Variants in STK3 observed in about 807,000 individuals in gnomAD.
The protein encoded by STK3 is serine/threonine-protein kinase 3.
In STK3, 41 loss-of-function variants were observed where a neutral mutation model predicts 58.0. The ratio of observed to expected loss-of-function variants is 0.71; its 90% CI spans 0.55 to 0.92. The LOEUF (loss-of-function observed/expected upper bound fraction) is 0.92, where lower values mean the gene tolerates loss of function less well. Among genes scored for constraint, STK3 ranks in the 40% least tolerant of loss-of-function variants. STK3 has a pLI of 0.00. For synonymous variants in STK3, 170 were observed against 191.0 expected (o/e 0.89, Z 0.91); for missense variants, 479 against 602.7 (o/e 0.79, Z 2.15).
chr8:98,822,470 G>A (rs1200361126), intron 1 of STK3, among the ~76,000 whole-genome samples: 1 of 152,082 alleles, frequency 6.6e-6, no homozygotes, highest in Non-Finnish European at 1.5e-5. Flanking sequence ...CACCATCGCA[G>A]TAGGCCCTCA....
intron 1 of STK3, chr8:98,904,781 G>A (rs1838823331): frequency 4.4e-6 from 3 of 681,310 alleles, no homozygotes; most frequent in Non-Finnish European, 8.2e-6. Flanking sequence ...AGGAGGAAGT[G>A]GTGGCCGGAG....
At chr8:98,389,548 G>A (rs1188286129), upstream of STK3, among the ~76,000 whole-genome samples, 2 of 152,082 alleles carry the variant, frequency 1.3e-5, no homozygotes, top group Non-Finnish European at 2.9e-5. Context: ...GAAGGGCATG[G>A]GTGGTGCTAG....
chr8:98,352,323 T>A, the STK3 span, among the ~76,000 whole-genome samples: 1 of 152,180 alleles, frequency 6.6e-6, no homozygotes, highest in African/African-American at 2.4e-5. Flanking sequence ...TTTGAAAGAA[T>A]TAGTCATCTA....
chr8:98,573,313 C>T (rs1813114914), intron 8 of STK3, among the ~76,000 whole-genome samples: 1 of 152,154 alleles, frequency 6.6e-6, no homozygotes. Flanking sequence ...TTCACAGTTC[C>T]ACATGGCTGG....
chr8:98,439,877 T>C (rs1436220415), intron 1 of STK3, among the ~76,000 whole-genome samples: 1 of 152,180 alleles, frequency 6.6e-6, no homozygotes, highest in African/African-American at 2.4e-5. Context: ...TGGCAGCGCA[T>C]GTGCTGGTGT....
chr8:98,458,979 T>A (rs1942053328), intron 10 of STK3, among the ~76,000 whole-genome samples: 1 of 118,232 alleles, frequency 8.5e-6, no homozygotes, highest in African/African-American at 3.4e-5. Context: ...GGCGCTGCTA[T>A]AAAGATACTT....
At chr8:98,518,203 A>G (rs963273748) in intron 10 of STK3, among the ~76,000 whole-genome samples, 5 of 152,190 alleles carry the variant, frequency 3.3e-5, no homozygotes, top group African/African-American at 1.2e-4. Flanking sequence ...TAATTAATCC[A>G]ATAAGTACAG....
At chr8:98,859,996 T>A (rs914323197) in intron 3 of STK3, among the ~76,000 whole-genome samples, 4 of 152,212 alleles carry the variant, frequency 2.6e-5, no homozygotes, top group African/African-American at 9.7e-5. Context: ...GGTGTGGTTG[T>A]GGGTGTTCAG....
intron 3 of STK3, among the ~76,000 whole-genome samples, chr8:98,858,193 C>T (rs1836750133): frequency 2.0e-5 from 3 of 149,854 alleles, no homozygotes; most frequent in Non-Finnish European, 4.4e-5. Flanking sequence ...ACCAGCCTGG[C>T]CAACATGACG....
chr8:98,856,373 C>A (rs970262024), intron 3 of STK3, among the ~76,000 whole-genome samples: 17 of 147,984 alleles, frequency 1.1e-4, no homozygotes, highest in Non-Finnish European at 2.1e-4. Flanking sequence ...CCAAATAACA[C>A]AATTTTAAAA....
At chr8:98,743,356 A>G (rs897822217) in intron 4 of STK3, among the ~76,000 whole-genome samples, 3 of 152,176 alleles carry the variant, frequency 2.0e-5, no homozygotes, top group East Asian at 1.9e-4. Context: ...TACAGTAACC[A>G]AAACAGCATG....
upstream of STK3, among the ~76,000 whole-genome samples, chr8:98,830,579 A>G (rs1471820975): frequency 6.6e-6 from 1 of 152,260 alleles, no homozygotes; most frequent in Non-Finnish European, 1.5e-5. Context: ...GTCACCATTC[A>G]AACTGCAAAT....
chr8:98,494,774 A>G (rs1308873069), intron 10 of STK3, among the ~76,000 whole-genome samples: 1 of 152,068 alleles, frequency 6.6e-6, no homozygotes, highest in African/African-American at 2.4e-5. Flanking sequence ...AAGGCAAGCC[A>G]AAGACAGTGG....
upstream of STK3, among the ~76,000 whole-genome samples, chr8:98,392,798 A>G (rs868436120): frequency 6.6e-6 from 1 of 152,312 alleles, no homozygotes; most frequent in Middle Eastern, 3.4e-3. Context: ...TCTCCTGTCC[A>G]TGAAGCCAAG....
chr8:98,780,626 T>C (rs973875270), intron 1 of STK3, among the ~76,000 whole-genome samples: 17 of 151,952 alleles, frequency 1.1e-4, no homozygotes, highest in Non-Finnish European at 2.9e-5. Flanking sequence ...AATGAGTGGA[T>C]GGTAATGCCA....
chr8:98,372,541 GTT>G lies in STK3; in HGVS notation n.112-865_112-864del, dbSNP rs11327416. Among the ~76,000 whole-genome samples, 117 of 150,676 alleles carry G rather than the reference GTT, an allele frequency of 7.8e-4. 1 individual carries two copies. The highest frequency in any genetic ancestry group is 7.1e-3 in the Admixed American group (107 of 15,112). On this transcript the variant is annotated intron_variant and non_coding_transcript_variant, in intron 2 of 2. Coordinates refer to the STK3 transcript ENST00000518704. Reference sequence around the variant, plus strand: ...CTACCTGAACACCCAGTGGTTTTTTGTTTTTTTTTTTCCCCTTAACTCTTGGC... The same window carrying G: ...CTACCTGAACACCCAGTGGTTTTTTGTTTTTTTTTCCCCTTAACTCTTGGC...
At chr8:98,475,174 A>G (rs1210314902) in intron 10 of STK3, among the ~76,000 whole-genome samples, 1 of 152,176 alleles carries the variant, frequency 6.6e-6, no homozygotes, top group Middle Eastern at 3.2e-3. Flanking sequence ...ATTGGCTAGC[A>G]CAATTCTCAA....
chr8:98,462,693 T>C lies in STK3; in HGVS notation c.1318-6693A>G, dbSNP rs569656398. Among the ~76,000 whole-genome samples, 202 of 152,366 alleles carry C rather than the reference T, an allele frequency of 1.3e-3. 1 individual carries two copies. The highest frequency in any genetic ancestry group is 2.0e-3 in the Non-Finnish European group (137 of 68,036). On this transcript the variant is annotated intron_variant, in intron 10 of 10. Coordinates refer to ENST00000419617, the MANE Select transcript of STK3 (RefSeq NM_006281.4). ...AGATTTTTCTATGGACCAAGCATAG[T>C]AGAATGAATTTTCATTCACATCTTG...
chr8:98,374,609 A>T (rs1255435228), intron 2 of STK3, among the ~76,000 whole-genome samples: 3 of 152,180 alleles, frequency 2.0e-5, no homozygotes, highest in Non-Finnish European at 4.4e-5. Context: ...CTGGAGAGCA[A>T]ATGCTTCTTC....
Sources: allele counts gnomAD v4.1 joint callset (sites outside exome capture counted in the v4.1 genomes callset), GRCh38; gene constraint gnomAD v4.1.1; transcripts MANE v1.5; gene names NCBI Gene and HGNC (gene_info 2026-07-23, HGNC 2026-07-21).